The following SEPTIN7 variants were observed in gnomAD, a reference collection of about 807,000 sequenced individuals.
SEPTIN7 encodes the protein septin 7.
A neutral mutation model predicts 63.3 loss-of-function variants in SEPTIN7; 10 were observed. The ratio of observed to expected loss-of-function variants is 0.16; its 90% CI spans 0.10 to 0.27. The LOEUF is 0.27. SEPTIN7 is among the 10% of genes least tolerant of loss of function. SEPTIN7 has a pLI of 1.00. For synonymous variants in SEPTIN7, 131 were observed against 165.3 expected (o/e 0.79, Z 1.59); for missense variants, 310 against 521.0 (o/e 0.59, Z 3.94).
chr7:35,910,451 A>G (rs1371241416), downstream of SEPTIN7, among the ~76,000 whole-genome samples: 1 of 152,246 alleles, frequency 6.6e-6, no homozygotes, highest in East Asian at 1.9e-4. Context: ...AGGTGCTGAT[A>G]ATGTTTTTAC....
intron 3 of SEPTIN7, among the ~76,000 whole-genome samples, chr7:35,843,081 A>G (rs1784488151): frequency 6.6e-6 from 1 of 152,068 alleles, no homozygotes; most frequent in Admixed American, 6.5e-5. Flanking sequence ...TATCTTCCAT[A>G]TGTGTACTTA....
At chr7:35,803,094 ATTAG>A (rs2115618292) in intron 1 of SEPTIN7, 5 of 777,452 alleles carry the variant, frequency 6.4e-6, no homozygotes, top group East Asian at 1.3e-4. Context: ...GTTGATTTTA[ATTAG>A]TTCTTATCCT....
chr7:35,887,847 A>G lies in SEPTIN7; in HGVS notation c.872+1968A>G, dbSNP rs149846925. Among the ~76,000 whole-genome samples, 641 of 152,376 alleles carry G rather than the reference A, an allele frequency of 4.2e-3. 4 individuals carry two copies. Among genetic ancestry groups the G allele is most frequent in the African/African-American group, 0.014 (600 of 41,590 alleles). ...TTAATTTAGCTCATGTCTTTAAGAC[A>G]AAGCCATCTAGTGGATATTTAATAA... On this transcript the variant is annotated intron_variant, in intron 10 of 13. Transcript: ENST00000350320.
At chr7:35,892,447 G>A (rs1787706776) in intron 11 of SEPTIN7, among the ~76,000 whole-genome samples, 7 of 151,984 alleles carry the variant, frequency 4.6e-5, no homozygotes, top group East Asian at 1.9e-4. Flanking sequence ...TATCATTAAC[G>A]ATGCACTTTT....
In SEPTIN7 at chr7:35,898,260, A is replaced by G. The variant is rs1430197313; in HGVS notation, c.1011A>G (p.Ala337=). 2 of 1,548,448 alleles carry G rather than the reference A, an allele frequency of 1.3e-6. No individual in the cohort carries two copies. Among genetic ancestry groups the G allele is most frequent in the East Asian group, 2.4e-5 (1 of 41,228 alleles). The part of the protein sequence containing the change: ...NKGQLTKSPL[A]QMEEERREHV... ...ATATTCGTGACAGGAGCCCTCTGGCACAAATGGAAGAAGAAAGAAGGGAGC... is the reference window on the plus strand; with the variant it reads ...ATATTCGTGACAGGAGCCCTCTGGCGCAAATGGAAGAAGAAAGAAGGGAGC... The change falls in exon 12 of 14, where the codon GCA becomes GCG. Residue 337 remains alanine (A), a synonymous_variant. Coordinates refer to ENST00000350320, the MANE Select transcript of SEPTIN7 (RefSeq NM_001788.6).
At chr7:35,852,053 C>T (rs1784987098) in intron 3 of SEPTIN7, among the ~76,000 whole-genome samples, 1 of 152,140 alleles carries the variant, frequency 6.6e-6, no homozygotes, top group East Asian at 1.9e-4. Context: ...TTAGTAGTTG[C>T]ACTAGGGTCC....
chr7:35,801,240 G>A lies in SEPTIN7; in HGVS notation c.31G>A (p.Glu11Lys), dbSNP rs749282513. 5.2e-6 allele frequency: 8 copies of A among 1,535,646 alleles called. No individual in the cohort carries two copies. The African/African-American group carries it at 8.4e-5, about 16-fold the overall frequency. The change falls in exon 1 of 14, where the codon GAG becomes AAG. Residue 11 changes from glutamate to lysine, a missense_variant. This residue lies in a region of SEPTIN7 where 55 missense variants were observed against 30.5 expected (regional missense o/e 1.80). Transcript: ENST00000350320. ...GGTCAGTGCGAGATCCGCTGCTGCT[G>A]AGGAGAGGAGCGTCAACAGCAGCAC... is the stretch of plus-strand genomic sequence containing the variant. MSVSARSAAA[E>K]ERSVNSSTMV...
chr7:35,813,350 A>G (rs1367648906), intron 1 of SEPTIN7, among the ~76,000 whole-genome samples: 1 of 151,570 alleles, frequency 6.6e-6, no homozygotes, highest in Admixed American at 6.6e-5. Flanking sequence ...AATGAGTAAT[A>G]TTCAGTATTC....
intron 4 of SEPTIN7, among the ~76,000 whole-genome samples, chr7:35,866,428 A>G (rs1785809826): frequency 6.6e-6 from 1 of 152,230 alleles, no homozygotes; most frequent in African/African-American, 2.4e-5. Context: ...GTCCAGACAT[A>G]TTAGACTGGT....
chr7:35,879,083 A>G (rs1382090265), intron 6 of SEPTIN7, among the ~76,000 whole-genome samples: 1 of 152,228 alleles, frequency 6.6e-6, no homozygotes, highest in Non-Finnish European at 1.5e-5. Context: ...TGAGAGAATA[A>G]GTAATGGTAA....
intron 10 of SEPTIN7, chr7:35,888,849 A>G: frequency 5.5e-6 from 2 of 362,858 alleles, no homozygotes; most frequent in Non-Finnish European, 1.1e-5. Context: ...AAAAAAACGG[A>G]AAAGAAAAAT....
intron 1 of SEPTIN7, among the ~76,000 whole-genome samples, chr7:35,809,536 T>TA (rs1583484042): frequency 6.6e-6 from 1 of 152,286 alleles, no homozygotes; most frequent in East Asian, 1.9e-4. Context: ...TTGCATTTAG[T>TA]AAAAAATTTG....
At chr7:35,893,474 G>C in intron 11 of SEPTIN7, among the ~76,000 whole-genome samples, 1 of 152,116 alleles carries the variant, frequency 6.6e-6, no homozygotes, top group East Asian at 1.9e-4. Context: ...ATGACCGACT[G>C]CATATACAAG....
intron 1 of SEPTIN7, chr7:35,815,142 T>C (rs1259858121): frequency 2.2e-6 from 1 of 449,334 alleles, no homozygotes; most frequent in Non-Finnish European, 4.5e-6. Flanking sequence ...CCATCATTTT[T>C]AGGGGTACTT....
intron 3 of SEPTIN7, among the ~76,000 whole-genome samples, chr7:35,844,403 C>T (rs1784552072): frequency 1.3e-5 from 2 of 152,102 alleles, no homozygotes; most frequent in African/African-American, 4.8e-5. Context: ...ATGTTTTTGA[C>T]TTATGTTTTT....
chr7:35,813,057 G>T (rs1355371143), intron 1 of SEPTIN7, among the ~76,000 whole-genome samples: 1 of 152,152 alleles, frequency 6.6e-6, no homozygotes. Context: ...GGCAACCACT[G>T]TAACAACTGT....
intron 3 of SEPTIN7, among the ~76,000 whole-genome samples, chr7:35,844,701 A>G (rs562610164): frequency 6.6e-6 from 1 of 152,140 alleles, no homozygotes; most frequent in Admixed American, 6.5e-5. Flanking sequence ...CCTGGGTTCA[A>G]GCAGTCTTCT....
At chr7:35,844,702 G>A (rs1784570867) in intron 3 of SEPTIN7, among the ~76,000 whole-genome samples, 2 of 152,106 alleles carry the variant, frequency 1.3e-5, no homozygotes, top group Middle Eastern at 3.4e-3. Context: ...CTGGGTTCAA[G>A]CAGTCTTCTC....
chr7:35,879,224 G>A (rs770497720), intron 6 of SEPTIN7, among the ~76,000 whole-genome samples: 6 of 152,130 alleles, frequency 3.9e-5, no homozygotes, highest in Non-Finnish European at 5.9e-5. Context: ...AAAGATAGTT[G>A]GTAGCAAGAA....
Sources: gnomAD v4.1 joint callset for allele counts (sites outside exome capture counted in the v4.1 genomes callset) on GRCh38, gnomAD v4.1.1 for gene constraint, gnomAD v4.1.1 regional missense constraint, MANE v1.5 for transcripts, NCBI Gene and HGNC (gene_info 2026-07-23, HGNC 2026-07-21) for gene names.